The following CCDC178 variants were observed in gnomAD, a reference collection of about 807,000 sequenced individuals.
CCDC178 encodes the protein coiled-coil domain-containing protein 178.
In CCDC178, 126 loss-of-function variants were observed where a neutral mutation model predicts 117.4. The observed-to-expected ratio is 1.07, with a 90% CI of 0.93 to 1.24. The LOEUF (loss-of-function observed/expected upper bound fraction) is 1.24. CCDC178 is among the 50% of genes most tolerant of loss of function. The pLI is 0.00. For missense variants in CCDC178, 1,030 were observed against 986.9 expected, an observed-to-expected ratio of 1.04 and a Z score of -0.59; for synonymous variants, 283 against 313.4, an observed-to-expected ratio of 0.90 and a Z score of 1.02.
At chr18:33,009,577 T>C (rs1291499622) in intron 21 of CCDC178, among the ~76,000 whole-genome samples, 1 of 152,006 alleles carries the variant, frequency 6.6e-6, no homozygotes, top group African/African-American at 2.4e-5. Context: ...CCTTCTCAGC[T>C]AATACTTCTC....
chr18:33,201,088 C>CT (rs1401951347), intron 20 of CCDC178, among the ~76,000 whole-genome samples: 1 of 152,178 alleles, frequency 6.6e-6, no homozygotes, highest in African/African-American at 2.4e-5. Context: ...TTGTGACAGA[C>CT]CCTGGAAGGC....
At chr18:33,017,915 GA>G (rs1241684091) in intron 21 of CCDC178, among the ~76,000 whole-genome samples, 7 of 148,824 alleles carry the variant, frequency 4.7e-5, no homozygotes, top group Admixed American at 1.3e-4. Context: ...AGCTACAGAA[GA>G]AAAAAAAAGA....
At chr18:33,151,309 G>C (rs572697577) in intron 20 of CCDC178, among the ~76,000 whole-genome samples, 1 of 152,056 alleles carries the variant, frequency 6.6e-6, no homozygotes, top group South Asian at 2.1e-4. Context: ...GTGTGGTGGC[G>C]AGCACCTGAA....
chr18:33,076,244 T>C (rs2057205533), intron 21 of CCDC178, among the ~76,000 whole-genome samples: 1 of 152,184 alleles, frequency 6.6e-6, no homozygotes, highest in South Asian at 2.1e-4. Flanking sequence ...TCACTTCAGA[T>C]GGACTTCCCC....
intron 2 of CCDC178, among the ~76,000 whole-genome samples, chr18:33,434,594 T>C (rs77714960): frequency 1.1e-3 from 172 of 152,222 alleles, no homozygotes; most frequent in African/African-American, 4.0e-3. Flanking sequence ...TGGGGCTGTC[T>C]GCAACATTGT....
At chr18:33,240,829 G>A (rs1214168710) in intron 15 of CCDC178, among the ~76,000 whole-genome samples, 2 of 151,818 alleles carry the variant, frequency 1.3e-5, no homozygotes, top group Admixed American at 6.6e-5. Flanking sequence ...TTAAGGCAGA[G>A]AAAATTCTTC....
chr18:33,343,995 A>G (rs1393665042), intron 9 of CCDC178, among the ~76,000 whole-genome samples: 2 of 152,156 alleles, frequency 1.3e-5, no homozygotes, highest in Non-Finnish European at 2.9e-5. Flanking sequence ...TATGTTTCAA[A>G]GAGAAAGCTA....
At chr18:33,337,960 G>A (rs754241478) in intron 9 of CCDC178, among the ~76,000 whole-genome samples, 1 of 152,030 alleles carries the variant, frequency 6.6e-6, no homozygotes, top group Non-Finnish European at 1.5e-5. Flanking sequence ...AATAATCAGA[G>A]GTAACAGGCA....
intron 4 of CCDC178, 148 bp from the exon 5 acceptor site, chr18:33,389,777 A>G (rs1468568131): frequency 2.4e-6 from 1 of 408,748 alleles, no homozygotes; most frequent in Admixed American, 4.4e-5. Flanking sequence ...CAAAATCCAC[A>G]GTAGAGTATC....
At chr18:33,147,598 C>A (rs539238244) in intron 20 of CCDC178, among the ~76,000 whole-genome samples, 1 of 151,838 alleles carries the variant, frequency 6.6e-6, no homozygotes, top group East Asian at 1.9e-4. Context: ...CTTCAAGCAT[C>A]TGTTTAACAA....
intron 20 of CCDC178, among the ~76,000 whole-genome samples, chr18:33,170,673 A>G (rs538997442): frequency 1.3e-5 from 2 of 152,248 alleles, no homozygotes; most frequent in African/African-American, 4.8e-5. Flanking sequence ...TATAAATATA[A>G]ATTGATAGAA....
intron 14 of CCDC178, among the ~76,000 whole-genome samples, chr18:33,248,635 A>T (rs2059579008): frequency 6.6e-6 from 1 of 151,904 alleles, no homozygotes; most frequent in Non-Finnish European, 1.5e-5. Flanking sequence ...CATGGTGTAT[A>T]TGTGTCACAT....
chr18:33,302,604 G>A (rs2144913736), intron 11 of CCDC178, among the ~76,000 whole-genome samples: 1 of 152,194 alleles, frequency 6.6e-6, no homozygotes, highest in South Asian at 2.1e-4. Flanking sequence ...GCCAAGATAT[G>A]GAATCAACCT....
At chr18:33,298,127 A>G (rs188833503) in intron 11 of CCDC178, among the ~76,000 whole-genome samples, 1 of 152,310 alleles carries the variant, frequency 6.6e-6, no homozygotes, top group African/African-American at 2.4e-5. Context: ...CTCATTCCAC[A>G]AGACCGCTGT....
chr18:33,209,918 A>G (rs1287001006), intron 20 of CCDC178, among the ~76,000 whole-genome samples: 1 of 152,060 alleles, frequency 6.6e-6, no homozygotes, highest in African/African-American at 2.4e-5. Flanking sequence ...AATGAGACAG[A>G]CAGAGAGAGA....
rs557906402 is a variant in CCDC178 at position 33,049,849 on chromosome 18, G to A, written c.2388+42912C>T. 3.4e-4 allele frequency among the ~76,000 whole-genome samples: 51 copies of A among 151,726 alleles called. 1 individual carries two copies. The highest frequency in any genetic ancestry group is 3.4e-3 in the Middle Eastern group (1 of 294). ...TGTAATCCCAGCACTTTGGGAGGCC[G>A]AGGGGGGTGGATACTTGAGGTAAGG... On this transcript the variant is annotated intron_variant, in intron 21 of 22. Coordinates refer to ENST00000383096, the MANE Select transcript of CCDC178 (RefSeq NM_001105528.4).
chr18:33,115,972 GT>G (rs1175319609), intron 20 of CCDC178, among the ~76,000 whole-genome samples: 61 of 152,184 alleles, frequency 4.0e-4, no homozygotes, highest in African/African-American at 1.4e-3. Flanking sequence ...AAATTTGACA[GT>G]TTTTCAACTT....
chr18:33,343,682 G>A (rs2062846653), intron 9 of CCDC178, among the ~76,000 whole-genome samples: 1 of 152,184 alleles, frequency 6.6e-6, no homozygotes, highest in Non-Finnish European at 1.5e-5. Flanking sequence ...AAGTGGGATT[G>A]GGGAGTTGAG....
chr18:33,331,479 T>C (rs978570781), intron 10 of CCDC178, among the ~76,000 whole-genome samples: 4 of 151,954 alleles, frequency 2.6e-5, no homozygotes, highest in African/African-American at 9.7e-5. Flanking sequence ...AATAGCTTAT[T>C]TGGCATTTTC....
Sources: allele counts gnomAD v4.1 joint callset (sites outside exome capture counted in the v4.1 genomes callset), GRCh38; gene constraint gnomAD v4.1.1; transcripts MANE v1.5; gene names NCBI Gene and HGNC (gene_info 2026-07-23, HGNC 2026-07-21).